PCNT: variants seen among roughly 807,000 people sequenced by gnomAD.
The protein encoded by PCNT is kendrin.
PCNT carries 319 observed loss-of-function variants against 380.4 expected under a neutral mutation model. That is an observed-to-expected ratio of 0.84 (90% CI 0.77 to 0.92). The LOEUF (loss-of-function observed/expected upper bound fraction) is 0.92. Among genes scored for constraint, PCNT ranks in the 40% least tolerant of loss-of-function variants. The pLI is 0.00. For synonymous variants in PCNT, 1,845 were observed against 1,735.2 expected (o/e 1.06, Z -1.57); for missense variants, 4,400 against 4,255.3 (o/e 1.03, Z -0.95).
chr21:46,326,090 AAAGTTTT>A (rs2083386730), intron 1 of PCNT, among the ~76,000 whole-genome samples: 1 of 152,184 alleles, frequency 6.6e-6, no homozygotes, highest in South Asian at 2.1e-4. Context: ...AATTTTTTTT[AAAGTTTT>A]ATTTTTCTGT....
rs372868385 is a variant in PCNT at position 46,388,895 on chromosome 21, C to T, written c.3607+11C>T. ...TGGCCCTGTCGACAGGTGAGTGTGCCGGGACCAGCTGCCCAGCCCTGTGCT... is the reference window on the plus strand; with the variant it reads ...TGGCCCTGTCGACAGGTGAGTGTGCTGGGACCAGCTGCCCAGCCCTGTGCT... On this transcript the variant is annotated intron_variant, in intron 18 of 46. Coordinates refer to ENST00000359568, the MANE Select transcript of PCNT (RefSeq NM_006031.6). This position sits in a 1 kb window ranked among gnomAD's most constrained non-coding sequence, Gnocchi z 4.2. The T allele has an allele frequency of 9.4e-6, 15 of 1,589,962 alleles. No individual in the cohort carries two copies. Among genetic ancestry groups the T allele is most frequent in the Middle Eastern group, 2.2e-4 (1 of 4,550 alleles).
chr21:46,355,847 G>A (rs369542706), intron 12 of PCNT, among the ~76,000 whole-genome samples: 99 of 152,280 alleles, frequency 6.5e-4, no homozygotes, highest in African/African-American at 2.3e-3. Flanking sequence ...CTGGGCCAGC[G>A]CCCCAGCAGG....
rs587784309 is a variant in PCNT, at chr21:46,411,504, C to T, written c.5431C>T (p.Arg1811Cys). The T allele has an allele frequency of 8.7e-6, 14 of 1,609,314 alleles. No homozygotes were observed. Among genetic ancestry groups the T allele is most frequent in the South Asian group, 1.1e-5 (1 of 90,928 alleles). Reference protein sequence around the residue: ...ALSRLLADQERRHSQALEALQ... With the variant: ...ALSRLLADQECRHSQALEALQ... ...GAGCCGGCTGCTGGCTGACCAGGAG[C>T]GCAGGCACAGCCAGGCCCTGGAGGC... Residue 1811 changes from arginine to cysteine, a missense_variant, in exon 28 of 47, where the codon CGC becomes TGC. Coordinates refer to ENST00000359568, the MANE Select transcript of PCNT (RefSeq NM_006031.6).
chr21:46,428,808 G>C (rs775444460), intron 35 of PCNT, among the ~76,000 whole-genome samples: 3 of 152,116 alleles, frequency 2.0e-5, no homozygotes, highest in Non-Finnish European at 2.9e-5. Flanking sequence ...TCTTGGGCCT[G>C]ATGTGGGCAA....
At chr21:46,336,495 G>T (rs1283249496) in intron 3 of PCNT, among the ~76,000 whole-genome samples, 3 of 152,200 alleles carry the variant, frequency 2.0e-5, no homozygotes, top group South Asian at 2.1e-4. Context: ...AGCTCTGTCC[G>T]TGGGGAGCCC....
At position 46,339,028 on chromosome 21, in the gene PCNT, C is replaced by T. The variant is rs1025240756; in HGVS notation, c.639+4260C>T. The stretch of plus-strand genomic sequence containing the variant: ...AACTCCTGACCTCAAATGATCCACC[C>T]GCCTCGGCCTCCCAAAGTGCTGGGA... On this transcript the variant is annotated intron_variant, in intron 3 of 46. Coordinates refer to ENST00000359568, the MANE Select transcript of PCNT (RefSeq NM_006031.6). Among the ~76,000 whole-genome samples the T allele has an allele frequency of 9.9e-5, 15 of 152,254 alleles. No individual in the cohort carries two copies. In the East Asian group the frequency reaches 2.5e-3, roughly 25 times the overall value.
At position 46,437,023 on chromosome 21, in the gene PCNT, C is replaced by G. The variant is rs756324121; in HGVS notation, c.9041C>G (p.Ser3014Cys). The G allele has an allele frequency of 6.2e-7, 1 of 1,614,226 alleles. No homozygotes were observed. Among genetic ancestry groups the G allele is most frequent in the Admixed American group, 1.7e-5 (1 of 60,032 alleles). Residue 3014 changes from serine (S) to cysteine (C), a missense_variant, in exon 40 of 47, where the codon TCT becomes TGT. Ser to Cys is a moderately radical substitution (Grantham distance 112, BLOSUM62 -1). Transcript: ENST00000359568. ...TCATCCAATGAGAAAGCAGTGATGT[C>G]TTTACTGCACACGTTGGAGGAGCTG... ...WTSSNEKAVM[S>C]LLHTLEELKS...
chr21:46,368,185 C>T (rs1400153595), intron 15 of PCNT, among the ~76,000 whole-genome samples: 1 of 151,866 alleles, frequency 6.6e-6, no homozygotes, highest in Non-Finnish European at 1.5e-5. Context: ...ATAGCTCACA[C>T]CTGTAATCCC....
chr21:46,424,844 A>T (rs944944696), intron 32 of PCNT, among the ~76,000 whole-genome samples: 2 of 151,582 alleles, frequency 1.3e-5, no homozygotes, highest in African/African-American at 4.9e-5. Context: ...CCTGTGCCAC[A>T]TACGTTATGT....
Position 46,334,638 on chromosome 21 carries a change from G to A in PCNT, c.509G>A (p.Gly170Glu), listed in dbSNP as rs761232554. 1 of 1,604,582 alleles carries A rather than the reference G, an allele frequency of 6.2e-7. No individual in the cohort carries two copies. Among genetic ancestry groups the A allele is most frequent in the South Asian group, 1.1e-5 (1 of 90,156 alleles). Residue 170 changes from glycine to glutamate, a missense_variant, in exon 3 of 47, where the codon GGG becomes GAG. Coordinates refer to ENST00000359568, the MANE Select transcript of PCNT (RefSeq NM_006031.6). ...TVSDHPPEQR[G>E]MFTISDHQPE... is the part of the protein sequence containing the mutation. ...AGTGACCACCCACCAGAACAGCGTG[G>A]GATGTTCACAATCAGTGACCACCAA...
In PCNT at chr21:46,436,469, G is replaced by GCCCCCCCCCCCCCCCCCCCCCCCCCCCC. The variant is rs769557050; in HGVS notation, c.8996+321_8996+322insCCCCCCCCCCCCCCCCCCCCCCCCCCCC. On this transcript the variant is annotated intron_variant, in intron 39 of 46. Transcript: ENST00000359568. ...CAGGGTCGGGTTTGGAGCCTCCTGT[G>GCCCCCCCCCCCCCCCCCCCCCCCCCCCC]GCCCCCCCCCCCCCCCCCCGCTGGC... is the stretch of plus-strand genomic sequence containing the variant. Among the ~76,000 whole-genome samples, 3 of 40,034 alleles carry GCCCCCCCCCCCCCCCCCCCCCCCCCCCC rather than the reference G, an allele frequency of 7.5e-5. 1 individual carries two copies. The highest frequency in any genetic ancestry group is 1.2e-4 in the Non-Finnish European group (2 of 17,222). 26.3% of individuals were successfully genotyped at this position (40,034 alleles called of 152,430 possible).
intron 2 of PCNT, among the ~76,000 whole-genome samples, chr21:46,327,544 G>A (rs1266495958): frequency 2.0e-5 from 3 of 152,126 alleles, no homozygotes; most frequent in African/African-American, 7.2e-5. Flanking sequence ...GGGATTATAG[G>A]CATGAGCCAC....
At chr21:46,344,931 G>A (rs568884983) in intron 3 of PCNT, among the ~76,000 whole-genome samples, 1 of 152,326 alleles carries the variant, frequency 6.6e-6, no homozygotes, top group South Asian at 2.1e-4. Flanking sequence ...TTCTGATGTT[G>A]GTAGCATTTG....
intron 32 of PCNT, among the ~76,000 whole-genome samples, chr21:46,423,190 C>A (rs1166787409): frequency 6.7e-6 from 1 of 148,744 alleles, no homozygotes; most frequent in Non-Finnish European, 1.5e-5. Flanking sequence ...TTTTTTATAT[C>A]TTCTTTGCAT....
intron 30 of PCNT, 93 bp downstream of exon 30, chr21:46,416,932 AC>A (rs1315358452): frequency 7.8e-7 from 1 of 1,288,914 alleles, no homozygotes; most frequent in East Asian, 2.5e-5. Flanking sequence ...TCACCTCCTG[AC>A]AGCACACACC....
At chr21:46,406,585 T>G (rs1034706337) in intron 27 of PCNT, among the ~76,000 whole-genome samples, 2 of 152,208 alleles carry the variant, frequency 1.3e-5, no homozygotes, top group African/African-American at 4.8e-5. Context: ...TCTTTCCAAT[T>G]TTTGTTATTT....
At chr21:46,356,809 G>T (rs1254562970) in intron 12 of PCNT, among the ~76,000 whole-genome samples, 165 bp from the exon 13 acceptor site, 1 of 152,258 alleles carries the variant, frequency 6.6e-6, no homozygotes, top group Non-Finnish European at 1.5e-5. Context: ...GGGGAGACTT[G>T]AGAGAGCCAT....
chr21:46,413,539 G>T (rs1026541703), intron 29 of PCNT, among the ~76,000 whole-genome samples: 1 of 152,214 alleles, frequency 6.6e-6, no homozygotes, highest in Non-Finnish European at 1.5e-5. Context: ...AATTTCGTAC[G>T]TGCTTCATTT....
At chr21:46,376,714 C>G (rs889005725) in intron 15 of PCNT, among the ~76,000 whole-genome samples, 2 of 152,250 alleles carry the variant, frequency 1.3e-5, no homozygotes, top group Admixed American at 6.5e-5. Context: ...TGCCCCCTCC[C>G]TGGCTGTTGG....
Sources: allele counts gnomAD v4.1 joint callset (sites outside exome capture counted in the v4.1 genomes callset), GRCh38; gene constraint gnomAD v4.1.1; non-coding constraint Gnocchi (gnomAD v3.1); transcripts MANE v1.5; gene names NCBI Gene and HGNC (gene_info 2026-07-23, HGNC 2026-07-21).